The following DLGAP2 variants were observed in gnomAD, a reference collection of about 807,000 sequenced individuals.
DLGAP2 encodes disks large-associated protein 2.
In DLGAP2, 26 loss-of-function variants were observed where a neutral mutation model predicts 100.3. The ratio of observed to expected loss-of-function variants is 0.26; its 90% CI spans 0.19 to 0.36. The LOEUF (loss-of-function observed/expected upper bound fraction) is 0.36, where lower values mean the gene tolerates loss of function less well. Ranked by LOEUF, DLGAP2 falls within the 10% of genes least tolerant of loss-of-function variation. DLGAP2 has a pLI of 1.00. For missense variants in DLGAP2, 1,858 were observed against 1,453.2 expected (o/e 1.28, Z -4.53); for synonymous variants, 886 against 630.1 (o/e 1.41, Z -6.08).
chr8:1,304,002 G>C (rs1221180801), intron 3 of DLGAP2, among the ~76,000 whole-genome samples: 3 of 152,198 alleles, frequency 2.0e-5, no homozygotes, highest in Non-Finnish European at 4.4e-5. Context: ...GCAGACCCTG[G>C]AAGGCTGCTT....
intron 2 of DLGAP2, among the ~76,000 whole-genome samples, chr8:1,041,078 C>G (rs1460723361): frequency 6.6e-6 from 1 of 152,192 alleles, no homozygotes. Context: ...ATGGTGCAGA[C>G]TGCTCTCCTC....
intron 2 of DLGAP2, among the ~76,000 whole-genome samples, chr8:1,083,078 A>G (rs894740732): frequency 6.6e-6 from 1 of 152,256 alleles, no homozygotes; most frequent in African/African-American, 2.4e-5. Context: ...TCAAGCCAAC[A>G]AGAGACGTGA....
intron 2 of DLGAP2, among the ~76,000 whole-genome samples, chr8:1,050,133 C>A (rs931516447): frequency 1.3e-5 from 2 of 152,242 alleles, no homozygotes; most frequent in East Asian, 3.8e-4. Flanking sequence ...GTCACAGCCA[C>A]GTGTGCCTAT....
intron 2 of DLGAP2, among the ~76,000 whole-genome samples, chr8:1,074,264 C>G (rs1015759006): frequency 3.3e-5 from 5 of 149,384 alleles, no homozygotes; most frequent in Admixed American, 6.6e-5. Flanking sequence ...TTGCAGCAGA[C>G]TGAGGCTGAA....
At chr8:1,290,858 A>G (rs924990293) in intron 3 of DLGAP2, among the ~76,000 whole-genome samples, 1 of 152,192 alleles carries the variant, frequency 6.6e-6, no homozygotes, top group Non-Finnish European at 1.5e-5. Flanking sequence ...ACTTTTTGCT[A>G]TTGTGGAAAA....
intron 10 of DLGAP2, among the ~76,000 whole-genome samples, chr8:1,672,005 C>T (rs546816682): frequency 1.3e-5 from 2 of 152,266 alleles, no homozygotes; most frequent in South Asian, 2.1e-4. Context: ...TATTCACTTT[C>T]GTTTTTATCC....
intron 2 of DLGAP2, among the ~76,000 whole-genome samples, chr8:929,740 T>A (rs1798913827): frequency 7.0e-6 from 1 of 142,978 alleles, no homozygotes; most frequent in Non-Finnish European, 1.5e-5. Flanking sequence ...CTGGCTTTGG[T>A]TGAGAGTTCC....
In DLGAP2 at chr8:1,107,690, CA is replaced by C. The variant is rs200107036; in HGVS notation, c.74-151160del. 1.7e-4 allele frequency among the ~76,000 whole-genome samples: 26 copies of C among 152,352 alleles called. 1 individual carries two copies. In the East Asian group the frequency reaches 5.0e-3, roughly 29 times the overall value. On this transcript the variant is annotated intron_variant, in intron 2 of 14. Transcript: ENST00000637795. ...TCCCCTGCTCTTCCCTGCTCTGTCC[CA>C]GCAGAGCTGTTTTTGTAAAGCACAC... is the stretch of plus-strand genomic sequence containing the variant.
chr8:927,393 A>C (rs1266155667), intron 2 of DLGAP2, among the ~76,000 whole-genome samples: 1 of 152,156 alleles, frequency 6.6e-6, no homozygotes, highest in Non-Finnish European at 1.5e-5. Context: ...CTGGTCCCCA[A>C]GGCTCTTGGG....
At chr8:1,029,617 T>C (rs528459286) in intron 2 of DLGAP2, among the ~76,000 whole-genome samples, 1 of 131,222 alleles carries the variant, frequency 7.6e-6, no homozygotes, top group Admixed American at 8.3e-5. Flanking sequence ...TCTGGCAGGA[T>C]GGCCTAGGGT....
At chr8:1,388,429 C>G (rs542104594) in intron 3 of DLGAP2, among the ~76,000 whole-genome samples, 1 of 74,928 alleles carries the variant, frequency 1.3e-5, no homozygotes, top group South Asian at 5.9e-4. Context: ...GGCGCTGGTT[C>G]AAGTGTCAGG....
At chr8:880,198 C>A (rs986190274) in intron 1 of DLGAP2, among the ~76,000 whole-genome samples, 1 of 152,202 alleles carries the variant, frequency 6.6e-6, no homozygotes, top group Non-Finnish European at 1.5e-5. Flanking sequence ...CTTGCATCTC[C>A]TTCTCTTAGG....
At chr8:1,245,714 A>C (rs1798888406) in intron 2 of DLGAP2, among the ~76,000 whole-genome samples, 1 of 152,212 alleles carries the variant, frequency 6.6e-6, no homozygotes, top group Non-Finnish European at 1.5e-5. Flanking sequence ...TCAGTGGGTG[A>C]ATCATATGGT....
intron 4 of DLGAP2, among the ~76,000 whole-genome samples, chr8:1,536,683 C>T (rs1234869809): frequency 1.3e-5 from 2 of 152,232 alleles, no homozygotes; most frequent in Non-Finnish European, 2.9e-5. Flanking sequence ...AGTCAGCAGA[C>T]TCTGAATCTG....
intron 2 of DLGAP2, among the ~76,000 whole-genome samples, chr8:1,208,005 A>G (rs1037577818): frequency 3.6e-5 from 5 of 139,550 alleles, no homozygotes; most frequent in East Asian, 2.0e-4. Context: ...ATTTTCTCCC[A>G]CTCGGTGGGT....
rs879195695 is a variant in DLGAP2, at chr8:1,706,612, T to A, written c.*5206T>A. ...TGGCTTTCAACTGTTTCTAGATGCT[T>A]CCAAGAACAAGAACCCAGCACCAAC... On this transcript the variant is annotated 3_prime_UTR_variant, in exon 15 of 15. Coordinates refer to ENST00000637795, the MANE Select transcript of DLGAP2 (RefSeq NM_001346810.2). 6.6e-6 allele frequency: 1 copy of A among 152,208 alleles called. No individual in the cohort carries two copies. Among genetic ancestry groups the A allele is most frequent in the African/African-American group, 2.4e-5 (1 of 41,456 alleles). The allele number at this position is 152,208 out of a possible 1,614,324, so 9.4% of individuals were successfully genotyped here.
intron 5 of DLGAP2, among the ~76,000 whole-genome samples, chr8:1,554,297 A>T (rs548708336): frequency 0.018 from 2,082 of 112,904 alleles, 31 homozygotes; most frequent in Non-Finnish European, 0.023. Flanking sequence ...CTAAATAAAT[A>T]AATTAATTAA....
chr8:1,450,879 G>A (rs552631901), intron 3 of DLGAP2, among the ~76,000 whole-genome samples: 14 of 152,136 alleles, frequency 9.2e-5, no homozygotes, highest in South Asian at 4.1e-4. Context: ...AAGAGACACC[G>A]TAATAAACAG....
intron 3 of DLGAP2, among the ~76,000 whole-genome samples, chr8:1,277,931 A>G (rs1799737550): frequency 6.6e-6 from 1 of 152,218 alleles, no homozygotes; most frequent in Non-Finnish European, 1.5e-5. Flanking sequence ...TGGTAATTTA[A>G]CATGATTCTA....
Sources: gnomAD v4.1 joint callset for allele counts (sites outside exome capture counted in the v4.1 genomes callset) on GRCh38, gnomAD v4.1.1 for gene constraint, MANE v1.5 for transcripts, NCBI Gene and HGNC (gene_info 2026-07-23, HGNC 2026-07-21) for gene names.